ST6GALNAC3: variants seen among roughly 807,000 people sequenced by gnomAD.
ST6GALNAC3 encodes ST6 N-acetylgalactosaminide alpha-2,6-sialyltransferase 3, also known as alpha-N-acetylgalactosaminide alpha-2,6-sialyltransferase 3.
In ST6GALNAC3, 25 loss-of-function variants were observed where a neutral mutation model predicts 32.7. The observed-to-expected ratio is 0.76, with a 90% confidence interval of 0.56 to 1.07. The LOEUF is 1.07. ST6GALNAC3 is among the 50% of genes least tolerant of loss of function. The probability of loss-of-function intolerance (pLI) is 0.00; values close to 1 mark genes in which losing one functional copy is unlikely to be tolerated. For missense variants in ST6GALNAC3, 355 were observed against 382.4 expected (o/e 0.93, Z 0.60); for synonymous variants, 129 against 133.1 (o/e 0.97, Z 0.21).
At chr1:76,289,124 T>C (rs1189140836) in intron 1 of ST6GALNAC3, among the ~76,000 whole-genome samples, 1 of 152,246 alleles carries the variant, frequency 6.6e-6, no homozygotes, top group Non-Finnish European at 1.5e-5. Context: ...GACCTTATGT[T>C]ACTTACACTT....
At chr1:76,195,342 G>C (rs1427659139) in intron 1 of ST6GALNAC3, among the ~76,000 whole-genome samples, 1 of 152,172 alleles carries the variant, frequency 6.6e-6, no homozygotes, top group African/African-American at 2.4e-5. Flanking sequence ...TTGCACAAGT[G>C]CTTTTCCTTG....
At chr1:76,374,167 C>G (rs1651039061) in intron 2 of ST6GALNAC3, among the ~76,000 whole-genome samples, 1 of 152,154 alleles carries the variant, frequency 6.6e-6, no homozygotes, top group Non-Finnish European at 1.5e-5. Context: ...TTTTTATCTT[C>G]AAAAGGCCTT....
At chr1:76,126,467 G>A (rs61771334) in intron 1 of ST6GALNAC3, among the ~76,000 whole-genome samples, 14,323 of 90,184 alleles carry the variant, frequency 0.16, 949 homozygotes, top group Non-Finnish European at 0.19. Flanking sequence ...TCTCTGTCTC[G>A]CTCTCTTTCA....
intron 1 of ST6GALNAC3, among the ~76,000 whole-genome samples, chr1:76,118,381 C>G (rs1228918905): frequency 1.3e-5 from 2 of 152,226 alleles, no homozygotes; most frequent in African/African-American, 4.8e-5. Flanking sequence ...CTATCCATAT[C>G]TTTGAAACTT....
chr1:76,163,466 T>C (rs376865092), intron 1 of ST6GALNAC3, among the ~76,000 whole-genome samples: 36 of 152,328 alleles, frequency 2.4e-4, no homozygotes, highest in African/African-American at 8.2e-4. Context: ...AACCATTTTC[T>C]ATGTGTATAA....
rs74394957 is a variant in ST6GALNAC3, at chr1:76,219,019, A to G, written c.19-94786A>G. On this transcript the variant is annotated intron_variant, in intron 1 of 4. Coordinates refer to ENST00000328299, the MANE Select transcript of ST6GALNAC3 (RefSeq NM_152996.4). Reference sequence around the variant, plus strand: ...TTATGGCTAAGGAAACTGCCTTGAGATTTTAAGTAATATGTTGCCCAAGGT... The same window carrying G: ...TTATGGCTAAGGAAACTGCCTTGAGGTTTTAAGTAATATGTTGCCCAAGGT... Among the ~76,000 whole-genome samples, 196 of 152,298 alleles carry G rather than the reference A, an allele frequency of 1.3e-3. 1 individual carries two copies. The highest frequency in any genetic ancestry group is 4.4e-3 in the African/African-American group (181 of 41,566).
intron 1 of ST6GALNAC3, among the ~76,000 whole-genome samples, chr1:76,113,224 A>G (rs1316106890): frequency 1.3e-5 from 2 of 151,948 alleles, no homozygotes; most frequent in East Asian, 1.9e-4. Context: ...CTGCAATCGC[A>G]GGCACTCGGC....
chr1:76,156,770 C>T (rs1374639031), intron 1 of ST6GALNAC3, among the ~76,000 whole-genome samples: 5 of 152,200 alleles, frequency 3.3e-5, no homozygotes, highest in Non-Finnish European at 5.9e-5. Flanking sequence ...CTCGCTCTCT[C>T]GCCCAGGCTG....
intron 1 of ST6GALNAC3, among the ~76,000 whole-genome samples, chr1:76,098,159 C>T (rs1441678231): frequency 1.3e-5 from 2 of 152,090 alleles, no homozygotes; most frequent in Admixed American, 6.6e-5. Context: ...GTTGCATTTC[C>T]ACCATACATA....
At chr1:76,326,326 G>A (rs955137612) in intron 2 of ST6GALNAC3, among the ~76,000 whole-genome samples, 3 of 152,136 alleles carry the variant, frequency 2.0e-5, no homozygotes, top group Non-Finnish European at 4.4e-5. Flanking sequence ...CAAAATGAAG[G>A]GGGGAGTAAA....
At chr1:76,255,708 C>A (rs936451244) in intron 1 of ST6GALNAC3, among the ~76,000 whole-genome samples, 1 of 152,014 alleles carries the variant, frequency 6.6e-6, no homozygotes, top group African/African-American at 2.4e-5. Flanking sequence ...AACTTGCAAC[C>A]CCTCGTTTAA....
intron 1 of ST6GALNAC3, among the ~76,000 whole-genome samples, chr1:76,131,955 A>G (rs1649637694): frequency 6.6e-6 from 1 of 152,322 alleles, no homozygotes; most frequent in South Asian, 2.1e-4. Context: ...ATTGCTGCCG[A>G]AATGGTCTTG....
chr1:76,088,947 A>G (rs935823562), intron 1 of ST6GALNAC3, among the ~76,000 whole-genome samples: 1 of 152,212 alleles, frequency 6.6e-6, no homozygotes, highest in Non-Finnish European at 1.5e-5. Context: ...GGAAGAGATA[A>G]TACAGTTGGG....
At chr1:76,182,520 A>G (rs1405342830) in intron 1 of ST6GALNAC3, among the ~76,000 whole-genome samples, 1 of 152,154 alleles carries the variant, frequency 6.6e-6, no homozygotes, top group Non-Finnish European at 1.5e-5. Context: ...AGTTTACACT[A>G]TTGCACTTGT....
At chr1:76,077,837 T>C (rs1006593740) in intron 1 of ST6GALNAC3, among the ~76,000 whole-genome samples, 4 of 152,206 alleles carry the variant, frequency 2.6e-5, no homozygotes, top group Admixed American at 6.5e-5. Context: ...ATAATCAATA[T>C]GCCAAAGTGA....
At chr1:76,352,950 G>A (rs1439367154) in intron 2 of ST6GALNAC3, among the ~76,000 whole-genome samples, 2 of 151,878 alleles carry the variant, frequency 1.3e-5, no homozygotes, top group Non-Finnish European at 2.9e-5. Context: ...GATTTTCCTT[G>A]TTACTCTAAT....
intron 1 of ST6GALNAC3, among the ~76,000 whole-genome samples, chr1:76,246,094 T>C (rs1047094631): frequency 6.6e-6 from 1 of 152,230 alleles, no homozygotes; most frequent in Non-Finnish European, 1.5e-5. Context: ...GGTGCTCCTA[T>C]GTTGGGTGCA....
intron 3 of ST6GALNAC3, among the ~76,000 whole-genome samples, chr1:76,465,919 G>A (rs1658595777): frequency 6.6e-6 from 1 of 152,048 alleles, no homozygotes; most frequent in Non-Finnish European, 1.5e-5. Flanking sequence ...TTGTTGGAAA[G>A]TTGGCTGTTA....
intron 1 of ST6GALNAC3, among the ~76,000 whole-genome samples, chr1:76,240,383 C>G (rs945325425): frequency 1.3e-5 from 2 of 152,198 alleles, no homozygotes; most frequent in Non-Finnish European, 2.9e-5. Context: ...ATTTAGTTCT[C>G]TAATGCTGAA....
Sources: allele counts gnomAD v4.1 joint callset (sites outside exome capture counted in the v4.1 genomes callset), GRCh38; gene constraint gnomAD v4.1.1; transcripts MANE v1.5; gene names NCBI Gene and HGNC (gene_info 2026-07-23, HGNC 2026-07-21).